ADD1: variants seen among roughly 807,000 people sequenced by gnomAD.
ADD1 encodes alpha-adducin.
ADD1 carries 24 observed loss-of-function variants against 80.5 expected under a neutral mutation model. The observed-to-expected ratio is 0.30, with a 90% CI of 0.22 to 0.42. The LOEUF is 0.42. Among genes scored for constraint, ADD1 ranks in the 10% least tolerant of loss-of-function variants. The pLI is 1.00. For missense variants in ADD1, 948 were observed against 1,019.0 expected, an observed-to-expected ratio of 0.93 and a Z score of 0.95; for synonymous variants, 373 against 393.8, an observed-to-expected ratio of 0.95 and a Z score of 0.63.
chr4:2,891,806 T>TA (rs1734347848), intron 4 of ADD1, among the ~76,000 whole-genome samples: 1 of 152,174 alleles, frequency 6.6e-6, no homozygotes, highest in East Asian at 1.9e-4. Flanking sequence ...TTAACCCTGT[T>TA]ATGCTCTACA....
At chr4:2,887,334 G>C (rs1194097748) in intron 4 of ADD1, among the ~76,000 whole-genome samples, 1 of 152,108 alleles carries the variant, frequency 6.6e-6, no homozygotes, top group Non-Finnish European at 1.5e-5. Context: ...CTTTGAAAGG[G>C]GGTCATAGGG....
chr4:2,882,650 G>T (rs542571206), intron 3 of ADD1, among the ~76,000 whole-genome samples: 1 of 152,312 alleles, frequency 6.6e-6, no homozygotes, highest in East Asian at 1.9e-4. Context: ...CCCGAAATAA[G>T]GTACTGGTTT....
chr4:2,856,951 C>T (rs879560915), intron 1 of ADD1, among the ~76,000 whole-genome samples: 17 of 145,456 alleles, frequency 1.2e-4, no homozygotes, highest in Admixed American at 2.1e-4. Context: ...CTTGCTTTGT[C>T]GCCCAGGCTG....
chr4:2,853,164 A>C (rs1294990105), intron 1 of ADD1: 1 of 145,834 alleles, frequency 6.9e-6, no homozygotes, highest in Non-Finnish European at 1.5e-5. Flanking sequence ...GCTGGAGTGC[A>C]GTGGCACGAT....
intron 1 of ADD1, among the ~76,000 whole-genome samples, chr4:2,849,156 A>G (rs771091026): frequency 5.3e-5 from 8 of 152,240 alleles, no homozygotes; most frequent in African/African-American, 1.7e-4. Flanking sequence ...TAAAGTAACA[A>G]TAGTCCCTAT....
At chr4:2,897,696 A>C (rs542179349) in intron 6 of ADD1, among the ~76,000 whole-genome samples, 79 of 151,746 alleles carry the variant, frequency 5.2e-4, no homozygotes, top group African/African-American at 1.8e-3. Flanking sequence ...ATTTAAAAAT[A>C]TTATTTGTAG....
Position 2,860,608 on chromosome 4 carries a change from C to T in ADD1, c.-20-15288C>T, listed in dbSNP as rs879825170. Among the ~76,000 whole-genome samples, 10 of 152,302 alleles carry T rather than the reference C, an allele frequency of 6.6e-5. No individual in the cohort carries two copies. The East Asian group carries it at 9.6e-4, about 15-fold the overall frequency. ...ATATGTATTAATTGAGAGACTATTACGTGACAGCTCTGTGAATACAGTAGT... is the reference window on the plus strand; with the variant it reads ...ATATGTATTAATTGAGAGACTATTATGTGACAGCTCTGTGAATACAGTAGT... On this transcript the variant is annotated intron_variant, in intron 1 of 15. Coordinates refer to ENST00000683351, the MANE Select transcript of ADD1 (RefSeq NM_001354761.2).
At chr4:2,913,625 G>T (rs1738445600) in intron 13 of ADD1, among the ~76,000 whole-genome samples, 1 of 149,526 alleles carries the variant, frequency 6.7e-6, no homozygotes, top group South Asian at 2.1e-4. Flanking sequence ...GTCAGCACTG[G>T]GTACGCAGCA....
intron 1 of ADD1, among the ~76,000 whole-genome samples, chr4:2,849,525 A>G (rs16843459): frequency 0.013 from 1,983 of 152,272 alleles, 39 homozygotes; most frequent in African/African-American, 0.044. Flanking sequence ...AGATGTAACT[A>G]CATGTGTGCC....
chr4:2,893,222 C>T (rs954990216), intron 4 of ADD1, among the ~76,000 whole-genome samples: 7 of 151,872 alleles, frequency 4.6e-5, no homozygotes, highest in Admixed American at 2.0e-4. Flanking sequence ...AGCCACAGTG[C>T]CCAGCCTAGG....
In ADD1 at chr4:2,929,174, G is replaced by A. The variant is rs1392299984; in HGVS notation, c.*651G>A. ...GACCAGAATCAGATTCAGGAGCTCA[G>A]TTTCTTTTTCACTTGGGTCTCTGGA... On this transcript the variant is annotated 3_prime_UTR_variant, in exon 16 of 16. Transcript: ENST00000683351. The A allele has an allele frequency of 6.6e-6, 1 of 152,232 alleles. No individual in the cohort carries two copies. Among genetic ancestry groups the A allele is most frequent in the Admixed American group, 6.5e-5 (1 of 15,288 alleles). The allele number at this position is 152,232 out of a possible 1,614,324, so 9.4% of individuals were successfully genotyped here. A position where few individuals can be genotyped will look rare whatever the true frequency, so the allele number is the denominator to read the frequency against.
intron 9 of ADD1, chr4:2,900,708 T>C (rs1736030165): frequency 6.6e-6 from 1 of 152,228 alleles, no homozygotes. Context: ...GGGATGAATA[T>C]TGTCCGCTAG....
intron 1 of ADD1, among the ~76,000 whole-genome samples, chr4:2,866,167 GTTATT>G (rs1435097564): frequency 6.6e-6 from 1 of 152,108 alleles, no homozygotes; most frequent in African/African-American, 2.4e-5. Flanking sequence ...GATTCTGGAT[GTTATT>G]TTATTTTATT....
At chr4:2,865,326 T>G (rs909108897) in intron 1 of ADD1, among the ~76,000 whole-genome samples, 6 of 152,244 alleles carry the variant, frequency 3.9e-5, no homozygotes, top group South Asian at 2.1e-4. Context: ...TTGGCAAGTC[T>G]TCTTAGGCTT....
intron 2 of ADD1, among the ~76,000 whole-genome samples, chr4:2,880,940 G>C (rs1281484577): frequency 6.6e-6 from 1 of 151,882 alleles, no homozygotes; most frequent in Non-Finnish European, 1.5e-5. Context: ...TGGATGGTTA[G>C]GGTTTTTTCC....
At chr4:2,908,134 G>A (rs1328299619) in intron 11 of ADD1, among the ~76,000 whole-genome samples, 1 of 152,270 alleles carries the variant, frequency 6.6e-6, no homozygotes, top group Non-Finnish European at 1.5e-5. Context: ...GCAGACTGCT[G>A]TCCCTTTCAG....
chr4:2,905,163 TG>T, intron 10 of ADD1, 55 bp downstream of exon 10: 1 of 1,567,158 alleles, frequency 6.4e-7, no homozygotes. Flanking sequence ...GTTGGGTAGC[TG>T]GGGCTTCGGA....
At position 2,888,175 on chromosome 4, in the gene ADD1, T is replaced by G. The variant is rs530529142; in HGVS notation, c.510+3509T>G. Among the ~76,000 whole-genome samples, 11 of 151,468 alleles carry G rather than the reference T, an allele frequency of 7.3e-5. No homozygotes were observed. In the South Asian group the frequency reaches 1.7e-3, roughly 23 times the overall value. ...CCTCGGTTCAAGTGATCCTCCTGCC[T>G]CAGCCTCCCAAGTAGCAGGAACAGG... is the stretch of plus-strand genomic sequence containing the variant. On this transcript the variant is annotated intron_variant, in intron 4 of 15. Transcript: ENST00000683351.
chr4:2,898,964 C>A, intron 8 of ADD1: 2 of 411,400 alleles, frequency 4.9e-6, no homozygotes, highest in South Asian at 5.8e-5. Flanking sequence ...ACGTTCTCCC[C>A]TCTGCTTCTT....
Sources: gnomAD v4.1 joint callset for allele counts (sites outside exome capture counted in the v4.1 genomes callset) on GRCh38, gnomAD v4.1.1 for gene constraint, MANE v1.5 for transcripts, NCBI Gene and HGNC (gene_info 2026-07-23, HGNC 2026-07-21) for gene names.